Variants in GLS observed in about 807,000 individuals in gnomAD.
The protein encoded by GLS is glutaminase, also known as glutaminase kidney isoform, mitochondrial.
In GLS, 36 loss-of-function variants were observed where a neutral mutation model predicts 86.7. The ratio of observed to expected loss-of-function variants is 0.42; its 90% CI spans 0.32 to 0.55. The LOEUF is 0.55. Among genes scored for constraint, GLS ranks in the 20% least tolerant of loss-of-function variants. GLS has a pLI of 0.17. For synonymous variants in GLS, 317 were observed against 305.9 expected (o/e 1.04, Z -0.38); for missense variants, 528 against 833.4 (o/e 0.63, Z 4.51).
intron 5 of GLS, among the ~76,000 whole-genome samples, chr2:190,904,164 C>T (rs1689049570): frequency 6.6e-6 from 1 of 151,392 alleles, no homozygotes; most frequent in Non-Finnish European, 1.5e-5. Context: ...TAATGGGGCC[C>T]AGGATTGTGA....
At chr2:190,881,684 C>T (rs929184348) in intron 1 of GLS, 3 of 490,976 alleles carry the variant, frequency 6.1e-6, no homozygotes, top group South Asian at 2.8e-5. Context: ...ACCCACTTCC[C>T]TTCTCCGCCC....
rs1310772603 is a variant in GLS, at chr2:190,914,094, C to T, written c.1038+3773C>T. Among the ~76,000 whole-genome samples, 2 of 152,156 alleles carry T rather than the reference C, an allele frequency of 1.3e-5. No individual in the cohort carries two copies. Among genetic ancestry groups the T allele is most frequent in the African/African-American group, 4.8e-5 (2 of 41,448 alleles). On this transcript the variant is annotated intron_variant, in intron 7 of 17. Coordinates refer to ENST00000320717, the MANE Select transcript of GLS (RefSeq NM_014905.5). The surrounding 1 kb of genome is among the most constrained non-coding windows in gnomAD (Gnocchi z 4.4). ...GGCATTAGCCACTCTACTTGGCATGCCTCATTCTAGTGGTAGTTTCCAGTT... is the reference window on the plus strand; with the variant it reads ...GGCATTAGCCACTCTACTTGGCATGTCTCATTCTAGTGGTAGTTTCCAGTT...
rs1020727959 is a variant in GLS at position 190,921,625 on chromosome 2, T to C, written c.1130+422T>C. On this transcript the variant is annotated intron_variant, in intron 9 of 17. Transcript: ENST00000320717. The surrounding 1 kb of genome is among the most constrained non-coding windows in gnomAD (Gnocchi z 4.2). ...TGTCTCTTTAGATAGATAAAAAATA[T>C]GTATGTATACCTCTAAACACAAATA... 6.6e-6 allele frequency among the ~76,000 whole-genome samples: 1 copy of C among 152,010 alleles called. No individual in the cohort carries two copies. Among genetic ancestry groups the C allele is most frequent in the Non-Finnish European group, 1.5e-5 (1 of 67,882 alleles).
chr2:190,946,245 A>G (rs557403330), intron 14 of GLS, among the ~76,000 whole-genome samples: 1 of 152,350 alleles, frequency 6.6e-6, no homozygotes, highest in South Asian at 2.1e-4. Flanking sequence ...TAGCCACAGT[A>G]TAATAGGTAG....
chr2:190,950,857 G>A (rs111655171), intron 14 of GLS, among the ~76,000 whole-genome samples: 3 of 152,346 alleles, frequency 2.0e-5, no homozygotes, highest in Admixed American at 6.5e-5. Context: ...GCAGAAGACA[G>A]GGCAAAGCAA....
rs750525987 is a variant in GLS at position 190,938,875 on chromosome 2, G to T, written c.1650+7238G>T. On this transcript the variant is annotated intron_variant, in intron 14 of 17. Coordinates refer to ENST00000320717, the MANE Select transcript of GLS (RefSeq NM_014905.5). This position sits in a 1 kb window ranked among gnomAD's most constrained non-coding sequence, Gnocchi z 4.1. The stretch of plus-strand genomic sequence containing the variant: ...AGTAAAGTTAGAAGTAAATGTTAAA[G>T]TTACACAGTAGTTCTAAAAATAAAA... 2.6e-5 allele frequency among the ~76,000 whole-genome samples: 4 copies of T among 151,678 alleles called. No homozygotes were observed. Among genetic ancestry groups the T allele is most frequent in the African/African-American group, 4.8e-5 (2 of 41,400 alleles).
chr2:190,933,369 GT>G (rs1333244582), intron 14 of GLS: 43 of 871,430 alleles, frequency 4.9e-5, no homozygotes, highest in Non-Finnish European at 5.9e-5. Flanking sequence ...TAAAATAGCA[GT>G]GGATTATAAA....
At chr2:190,950,517 T>C (rs996507405) in intron 14 of GLS, among the ~76,000 whole-genome samples, 4 of 152,308 alleles carry the variant, frequency 2.6e-5, no homozygotes, top group Non-Finnish European at 5.9e-5. Context: ...AATCAAGGAC[T>C]ACCCCCCATG....
chr2:190,911,933 G>T (rs1259721990), intron 7 of GLS, among the ~76,000 whole-genome samples: 1 of 152,040 alleles, frequency 6.6e-6, no homozygotes, highest in Non-Finnish European at 1.5e-5. Flanking sequence ...ATTAATAGAA[G>T]ACTTCCTTCA....
chr2:190,930,663 T>C lies in GLS; in HGVS notation c.1557+95T>C. ...CCATTTTCCATAGTTCATTAACTCT[T>C]GGCCCTCCGCCTATAGTGTGCCAGT... On this transcript the variant is annotated intron_variant, in intron 13 of 17. Coordinates refer to ENST00000320717, the MANE Select transcript of GLS (RefSeq NM_014905.5). The surrounding 1 kb of genome is among the most constrained non-coding windows in gnomAD (Gnocchi z 5.0). The C allele has an allele frequency of 8.5e-7, 1 of 1,171,958 alleles. No individual in the cohort carries two copies. Among genetic ancestry groups the C allele is most frequent in the Non-Finnish European group, 1.2e-6 (1 of 821,552 alleles). The allele number at this position is 1,171,958 out of a possible 1,614,324, so 72.6% of individuals were successfully genotyped here. A position where few individuals can be genotyped will look rare whatever the true frequency, so the allele number is the denominator to read the frequency against.
intron 12 of GLS, among the ~76,000 whole-genome samples, chr2:190,928,886 A>T (rs1574603348): frequency 1.4e-5 from 1 of 70,120 alleles, no homozygotes; most frequent in African/African-American, 5.4e-5. Flanking sequence ...GATCCAATTC[A>T]GGTGTGTTTT....
chr2:190,931,642 GC>G lies in GLS; in HGVS notation c.1650+6del. ...AGAGAAGGTGGTGATCAAAGGGTAA[GC>G]AAAATTCTTATTTAGATAAGTATAT... On this transcript the variant is annotated splice_donor_region_variant and intron_variant, in intron 14 of 17. Coordinates refer to ENST00000320717, the MANE Select transcript of GLS (RefSeq NM_014905.5). 1 of 1,391,482 alleles carries G rather than the reference GC, an allele frequency of 7.2e-7. No individual in the cohort carries two copies. The highest frequency in any genetic ancestry group is 1.0e-6 in the Non-Finnish European group (1 of 989,552). The allele number at this position is 1,391,482 out of a possible 1,614,324, so 86.2% of individuals were successfully genotyped here. A position where few individuals can be genotyped will look rare whatever the true frequency, so the allele number is the denominator to read the frequency against.
At chr2:190,941,388 T>C (rs533638551) in intron 14 of GLS, among the ~76,000 whole-genome samples, 1 of 152,300 alleles carries the variant, frequency 6.6e-6, no homozygotes, top group African/African-American at 2.4e-5. Context: ...TAGTTACTAA[T>C]AAAACTATAA....
chr2:190,891,379 G>C (rs889587711), intron 1 of GLS, among the ~76,000 whole-genome samples: 7 of 151,884 alleles, frequency 4.6e-5, no homozygotes, highest in African/African-American at 1.7e-4. Flanking sequence ...AGAATCTGGT[G>C]GGGGCAAAGT....
At chr2:190,922,627 T>G (rs145810736) in intron 9 of GLS, among the ~76,000 whole-genome samples, 1 of 152,286 alleles carries the variant, frequency 6.6e-6, no homozygotes, top group Non-Finnish European at 1.5e-5. Context: ...GCACTTGAGA[T>G]AGTGTTGAAG....
intron 4 of GLS, among the ~76,000 whole-genome samples, chr2:190,901,386 A>G (rs555556360): frequency 3.3e-5 from 5 of 152,128 alleles, no homozygotes; most frequent in African/African-American, 9.6e-5. Flanking sequence ...GAAAGTTTTC[A>G]TTGTCATCAT....
rs1691043267 is a variant in GLS at position 190,963,173 on chromosome 2, A to G, written c.*187A>G. The G allele has an allele frequency of 2.1e-6, 1 of 466,032 alleles. No individual in the cohort carries two copies. Among genetic ancestry groups the G allele is most frequent in the Non-Finnish European group, 3.8e-6 (1 of 263,400 alleles). 28.9% of individuals were successfully genotyped at this position (466,032 alleles called of 1,614,324 possible). ...TTTGGGAAAAAATAGAAATAAAACA[A>G]TCTCCCTCCATAATGTGAGCAATAT... On this transcript the variant is annotated 3_prime_UTR_variant, in exon 18 of 18. Coordinates refer to ENST00000320717, the MANE Select transcript of GLS (RefSeq NM_014905.5).
At chr2:190,961,859 G>A (rs764830484) in intron 17 of GLS, among the ~76,000 whole-genome samples, 16 of 152,172 alleles carry the variant, frequency 1.1e-4, no homozygotes, top group Non-Finnish European at 1.9e-4. Flanking sequence ...TCAGGACAGA[G>A]ATGGAAAGGA....
intron 6 of GLS, among the ~76,000 whole-genome samples, chr2:190,909,443 C>T (rs149144859): frequency 6.6e-6 from 1 of 151,952 alleles, no homozygotes; most frequent in South Asian, 2.1e-4. Flanking sequence ...ATTATGTGTC[C>T]TTTGACCAAC....
Sources: gnomAD v4.1 joint callset for allele counts (sites outside exome capture counted in the v4.1 genomes callset) on GRCh38, gnomAD v4.1.1 for gene constraint, Gnocchi (gnomAD v3.1) non-coding constraint, MANE v1.5 for transcripts, NCBI Gene and HGNC (gene_info 2026-07-23, HGNC 2026-07-21) for gene names.